The following IGSF11 variants were observed in gnomAD, a reference collection of about 807,000 sequenced individuals.
IGSF11 encodes immunoglobulin superfamily member 11.
A neutral mutation model predicts 41.0 loss-of-function variants in IGSF11; 22 were observed. That is an observed-to-expected ratio of 0.54 (90% CI 0.38 to 0.77). IGSF11 has a LOEUF of 0.77. Among genes scored for constraint, IGSF11 ranks in the 30% least tolerant of loss-of-function variants. IGSF11 has a pLI of 0.00. For missense variants in IGSF11, 444 were observed against 530.8 expected (o/e 0.84, Z 1.61); for synonymous variants, 219 against 201.3 (o/e 1.09, Z -0.74).
chr3:119,080,804 T>C (rs934249795), intron 1 of IGSF11, among the ~76,000 whole-genome samples: 1 of 152,166 alleles, frequency 6.6e-6, no homozygotes, highest in African/African-American at 2.4e-5. Context: ...TGAAAGTCCA[T>C]GCTTAATTTG....
At chr3:119,026,594 T>C (rs979698435) in intron 1 of IGSF11, among the ~76,000 whole-genome samples, 6 of 152,174 alleles carry the variant, frequency 3.9e-5, no homozygotes, top group Non-Finnish European at 2.9e-5. Context: ...TTCGCCATTA[T>C]GTAGTCACAG....
intron 3 of IGSF11, among the ~76,000 whole-genome samples, chr3:118,927,680 T>C (rs1203344761): frequency 2.0e-5 from 3 of 152,260 alleles, no homozygotes; most frequent in African/African-American, 4.8e-5. Context: ...ATTCTGAGAC[T>C]TGAGTAGGAT....
At chr3:119,009,362 G>C (rs546098145) in intron 1 of IGSF11, among the ~76,000 whole-genome samples, 47 of 152,264 alleles carry the variant, frequency 3.1e-4, no homozygotes, top group African/African-American at 9.4e-4. Flanking sequence ...ATCTTACCTA[G>C]AATTGTAATC....
intron 1 of IGSF11, among the ~76,000 whole-genome samples, chr3:119,044,962 A>T (rs190924603): frequency 1.2e-3 from 182 of 152,282 alleles, no homozygotes; most frequent in Middle Eastern, 0.01. Context: ...TTAAAGCACA[A>T]ATCTCACAGG....
rs1944906539 is a variant in IGSF11, at chr3:118,955,672, C to A, written c.53-25397G>T. On this transcript the variant is annotated intron_variant, in intron 1 of 6. Coordinates refer to ENST00000393775, the MANE Select transcript of IGSF11 (RefSeq NM_001015887.3). ...CAGGTGGCTTAAAATTTTCAGTAAA[C>A]CCTGCTATAAACAGATGTGCTATCA... 3.3e-5 allele frequency among the ~76,000 whole-genome samples: 5 copies of A among 152,176 alleles called. 1 individual carries two copies. The Middle Eastern group carries it at 0.017, about 518-fold the overall frequency.
intron 1 of IGSF11, among the ~76,000 whole-genome samples, chr3:119,026,389 A>T (rs2107724055): frequency 6.6e-6 from 1 of 152,322 alleles, no homozygotes; most frequent in Non-Finnish European, 1.5e-5. Context: ...CCATGGACTG[A>T]TGCAGATTCC....
intron 1 of IGSF11, among the ~76,000 whole-genome samples, chr3:119,004,215 T>C (rs956830966): frequency 1.9e-4 from 28 of 151,018 alleles, no homozygotes; most frequent in African/African-American, 6.4e-4. Flanking sequence ...TCGAGGAATG[T>C]ATCCATTTCT....
intron 1 of IGSF11, among the ~76,000 whole-genome samples, chr3:118,944,012 T>C (rs979736421): frequency 2.6e-5 from 4 of 152,256 alleles, no homozygotes; most frequent in Non-Finnish European, 5.9e-5. Flanking sequence ...TTAAATTCTT[T>C]TTAAAAATGG....
At chr3:118,930,688 A>C (rs889379218) in intron 1 of IGSF11, among the ~76,000 whole-genome samples, 6 of 152,278 alleles carry the variant, frequency 3.9e-5, no homozygotes, top group Non-Finnish European at 5.9e-5. Flanking sequence ...CAAAATATGT[A>C]CAGCACCCAT....
intron 1 of IGSF11, among the ~76,000 whole-genome samples, chr3:119,123,186 G>A (rs745699814): frequency 1.8e-4 from 27 of 152,142 alleles, no homozygotes; most frequent in Non-Finnish European, 2.8e-4. Flanking sequence ...TGCACCTTAC[G>A]TGAACACTGG....
intron 1 of IGSF11, among the ~76,000 whole-genome samples, chr3:119,091,716 G>C (rs986356727): frequency 2.6e-5 from 4 of 152,044 alleles, no homozygotes; most frequent in Non-Finnish European, 5.9e-5. Flanking sequence ...GAAGTGAGTG[G>C]GAGCATGGGT....
intron 1 of IGSF11, among the ~76,000 whole-genome samples, chr3:119,116,979 C>T (rs192640793): frequency 6.6e-6 from 1 of 152,034 alleles, no homozygotes; most frequent in East Asian, 1.9e-4. Context: ...TACCTGGCCA[C>T]CCCCACCCCT....
intron 1 of IGSF11, among the ~76,000 whole-genome samples, chr3:118,971,817 A>G (rs11917872): frequency 0.026 from 3,943 of 151,752 alleles, 151 homozygotes; most frequent in African/African-American, 0.089. Context: ...AAAAAAAAAA[A>G]AAGAAGAAAC....
At chr3:118,985,573 A>C (rs946366543) in intron 1 of IGSF11, among the ~76,000 whole-genome samples, 2 of 152,186 alleles carry the variant, frequency 1.3e-5, no homozygotes, top group Non-Finnish European at 2.9e-5. Context: ...ATTTGTCTGA[A>C]ACTGAATTGA....
intron 1 of IGSF11, among the ~76,000 whole-genome samples, chr3:119,091,472 A>G (rs1363255693): frequency 6.6e-6 from 1 of 152,244 alleles, no homozygotes; most frequent in African/African-American, 2.4e-5. Flanking sequence ...CATCTATGGT[A>G]GATTGGATTA....
chr3:119,011,135 C>T (rs1051813618), intron 1 of IGSF11, among the ~76,000 whole-genome samples: 4 of 152,078 alleles, frequency 2.6e-5, no homozygotes, highest in East Asian at 3.8e-4. Context: ...TGACCAAAAC[C>T]GGCCATGTTT....
chr3:118,926,126 G>A lies in IGSF11; in HGVS notation c.555C>T (p.Leu185=), dbSNP rs1431027891. The A allele has an allele frequency of 1.9e-6, 3 of 1,610,416 alleles. No individual in the cohort carries two copies. The highest frequency in any genetic ancestry group is 2.5e-6 in the Non-Finnish European group (3 of 1,177,676). Residue 185 remains leucine, a synonymous_variant, in exon 4 of 7, where the codon CTC becomes CTT. Coordinates refer to ENST00000393775, the MANE Select transcript of IGSF11 (RefSeq NM_001015887.3). ...CCTGAGTAGCTGTTGGAGGTAGTTT[G>A]AGGGTATTGTCTAACTTCTCCCAAA... The part of the protein sequence containing the change: ...TYLWEKLDNT[L]KLPPTATQDQ...
chr3:118,924,649 T>A (rs1697333764), intron 4 of IGSF11, among the ~76,000 whole-genome samples: 1 of 152,138 alleles, frequency 6.6e-6, no homozygotes, highest in Admixed American at 6.6e-5. Flanking sequence ...ATCTGACTGA[T>A]ATACACTCAT....
Position 118,928,588 on chromosome 3 carries a change from A to T in IGSF11, c.345T>A (p.Thr115=). The change falls in exon 3 of 7, where the codon ACT becomes ACA. Residue 115 remains threonine (T), a synonymous_variant. Transcript: ENST00000393775. ...TGTTGACCAGGCACTGGTAGGTGCC[A>T]GTGTCTGATAACTGAGTGTTATTAA... ...IFINNTQLSD[T]GTYQCLVNNL... 6.2e-7 allele frequency: 1 copy of T among 1,613,988 alleles called. No homozygotes were observed. Among genetic ancestry groups the T allele is most frequent in the South Asian group, 1.1e-5 (1 of 91,070 alleles).
Sources: allele counts gnomAD v4.1 joint callset (sites outside exome capture counted in the v4.1 genomes callset), GRCh38; gene constraint gnomAD v4.1.1; transcripts MANE v1.5; gene names NCBI Gene and HGNC (gene_info 2026-07-23, HGNC 2026-07-21).